The following NXPH1 variants were observed in gnomAD, a reference collection of about 807,000 sequenced individuals.
NXPH1 encodes neurexophilin-1.
NXPH1 carries 5 observed loss-of-function variants against 23.7 expected under a neutral mutation model. That is an observed-to-expected ratio of 0.21 (90% CI 0.11 to 0.44). NXPH1 has a LOEUF of 0.44. NXPH1 is among the 20% of genes least tolerant of loss of function. The probability of loss-of-function intolerance (pLI) is 0.99; values close to 1 mark genes in which losing one functional copy is unlikely to be tolerated. For missense variants in NXPH1, 324 were observed against 321.6 expected (o/e 1.01, Z -0.06); for synonymous variants, 144 against 122.2 (o/e 1.18, Z -1.18).
intron 2 of NXPH1, among the ~76,000 whole-genome samples, chr7:8,686,382 T>G (rs1249907452): frequency 6.6e-6 from 1 of 152,162 alleles, no homozygotes; most frequent in Non-Finnish European, 1.5e-5. Flanking sequence ...AGATTTGTAC[T>G]CTTCAAAATC....
chr7:8,570,741 C>T (rs531435846), intron 2 of NXPH1, among the ~76,000 whole-genome samples: 15 of 151,808 alleles, frequency 9.9e-5, no homozygotes, highest in African/African-American at 3.4e-4. Flanking sequence ...GTTTCAGGAG[C>T]AGAGAGAAGT....
At chr7:8,469,121 T>A (rs530590391) in intron 2 of NXPH1, among the ~76,000 whole-genome samples, 2 of 152,176 alleles carry the variant, frequency 1.3e-5, no homozygotes, top group South Asian at 4.1e-4. Flanking sequence ...AGAAAAAGGA[T>A]GTCAATTTTC....
chr7:8,579,071 C>A (rs1441344197), intron 2 of NXPH1, among the ~76,000 whole-genome samples: 3 of 152,170 alleles, frequency 2.0e-5, no homozygotes, highest in Non-Finnish European at 4.4e-5. Flanking sequence ...CTCAGTACCA[C>A]ATGTTTGTGA....
intron 2 of NXPH1, among the ~76,000 whole-genome samples, chr7:8,633,575 C>T (rs1820168320): frequency 6.6e-6 from 1 of 152,188 alleles, no homozygotes; most frequent in Non-Finnish European, 1.5e-5. Context: ...CTCTAATGAT[C>T]TTCTAACATT....
intron 2 of NXPH1, among the ~76,000 whole-genome samples, chr7:8,733,674 GTCT>G (rs1358702692): frequency 4.6e-5 from 7 of 152,094 alleles, no homozygotes; most frequent in Non-Finnish European, 8.8e-5. Flanking sequence ...CCACATAAAT[GTCT>G]TCTTTCGAGA....
chr7:8,631,329 G>A (rs1820123559), intron 2 of NXPH1, among the ~76,000 whole-genome samples: 1 of 152,156 alleles, frequency 6.6e-6, no homozygotes, highest in East Asian at 1.9e-4. Flanking sequence ...AAACCTGGAA[G>A]ACATCCTAGG....
In NXPH1 at chr7:8,608,495, C is replaced by T. The variant is rs543280270; in HGVS notation, c.55-142513C>T. Among the ~76,000 whole-genome samples, 13 of 151,998 alleles carry T rather than the reference C, an allele frequency of 8.6e-5. No homozygotes were observed. The South Asian group carries it at 2.3e-3, about 27-fold the overall frequency. ...GGGACTACAGTGATGTGTCGCCATG[C>T]CCAGCCTAGTGGTATTTTTAACAGA... On this transcript the variant is annotated intron_variant, in intron 2 of 2. Coordinates refer to ENST00000405863, the MANE Select transcript of NXPH1 (RefSeq NM_152745.3).
intron 2 of NXPH1, among the ~76,000 whole-genome samples, chr7:8,687,159 A>C (rs770113437): frequency 2.0e-5 from 3 of 152,130 alleles, no homozygotes; most frequent in Non-Finnish European, 4.4e-5. Flanking sequence ...TATGTAATGC[A>C]TCAGTGCAGA....
rs77193596 is a variant in NXPH1, at chr7:8,658,308, G to T, written c.55-92700G>T. ...CTTTTTATCTTCAGTACTTGCCCTG[G>T]TGTCTAATTTATGTTAAGTGCTCAA... On this transcript the variant is annotated intron_variant, in intron 2 of 2. Transcript: ENST00000405863. Among the ~76,000 whole-genome samples, 427 of 152,216 alleles carry T rather than the reference G, an allele frequency of 2.8e-3. 1 individual carries two copies. The highest frequency in any genetic ancestry group is 4.9e-3 in the Non-Finnish European group (330 of 67,990).
At chr7:8,729,897 T>C (rs2115215171) in intron 2 of NXPH1, among the ~76,000 whole-genome samples, 1 of 148,488 alleles carries the variant, frequency 6.7e-6, no homozygotes, top group South Asian at 2.1e-4. Flanking sequence ...GGTATCCTTG[T>C]TGACTTTCTG....
intron 2 of NXPH1, among the ~76,000 whole-genome samples, chr7:8,727,994 TG>T (rs1168270630): frequency 1.3e-5 from 2 of 151,400 alleles, no homozygotes; most frequent in African/African-American, 4.9e-5. Flanking sequence ...TCCATTTGTT[TG>T]TATCCTCTTT....
rs1055690477 is a variant in NXPH1, at chr7:8,650,392, A to G, written c.55-100616A>G. Among the ~76,000 whole-genome samples, 3 of 152,198 alleles carry G rather than the reference A, an allele frequency of 2.0e-5. No homozygotes were observed. The South Asian group carries it at 6.2e-4, about 31-fold the overall frequency. On this transcript the variant is annotated intron_variant, in intron 2 of 2. Coordinates refer to ENST00000405863, the MANE Select transcript of NXPH1 (RefSeq NM_152745.3). ...AGCCTTTACCTTATGTGATTTTTAT[A>G]ACATTTAGAAGGATGTCTTGTGATC...
intron 2 of NXPH1, among the ~76,000 whole-genome samples, chr7:8,715,010 G>C (rs906431873): frequency 6.6e-6 from 1 of 152,142 alleles, no homozygotes; most frequent in African/African-American, 2.4e-5. Context: ...ACAGCACTAG[G>C]ACTTGCCTAG....
At chr7:8,715,316 G>C (rs1779860121) in intron 2 of NXPH1, among the ~76,000 whole-genome samples, 1 of 152,190 alleles carries the variant, frequency 6.6e-6, no homozygotes, top group Admixed American at 6.5e-5. Flanking sequence ...GATGGGGTAA[G>C]GGTGGCATCA....
intron 2 of NXPH1, among the ~76,000 whole-genome samples, chr7:8,445,183 A>T (rs917031647): frequency 2.0e-5 from 3 of 152,250 alleles, no homozygotes; most frequent in African/African-American, 7.2e-5. Context: ...GCCTGCTTTG[A>T]TATTAACAGA....
chr7:8,667,227 C>T (rs541589033), intron 2 of NXPH1, among the ~76,000 whole-genome samples: 3 of 152,084 alleles, frequency 2.0e-5, no homozygotes, highest in Non-Finnish European at 2.9e-5. Flanking sequence ...TTAGCCATTA[C>T]ATTATTAGCA....
At chr7:8,528,138 T>A (rs542959933) in intron 2 of NXPH1, among the ~76,000 whole-genome samples, 1 of 152,150 alleles carries the variant, frequency 6.6e-6, no homozygotes, top group African/African-American at 2.4e-5. Context: ...GGGGAAGTGG[T>A]TTCATTTACA....
intron 2 of NXPH1, among the ~76,000 whole-genome samples, chr7:8,705,026 G>A (rs1174561335): frequency 6.6e-6 from 1 of 152,130 alleles, no homozygotes; most frequent in Non-Finnish European, 1.5e-5. Context: ...TAAATGTTGT[G>A]TCTAAATTTA....
At chr7:8,551,809 AT>A (rs1336520958) in intron 2 of NXPH1, among the ~76,000 whole-genome samples, 1 of 151,402 alleles carries the variant, frequency 6.6e-6, no homozygotes, top group Admixed American at 6.6e-5. Flanking sequence ...TGTTGTACAA[AT>A]ATTGTCAAAT....
Sources: gnomAD v4.1 joint callset for allele counts (sites outside exome capture counted in the v4.1 genomes callset) on GRCh38, gnomAD v4.1.1 for gene constraint, MANE v1.5 for transcripts, NCBI Gene and HGNC (gene_info 2026-07-23, HGNC 2026-07-21) for gene names.